SPHKAP: variants seen among roughly 807,000 people sequenced by gnomAD.
SPHKAP encodes SPHK1 interactor, AKAP domain containing.
SPHKAP carries 67 observed loss-of-function variants against 137.5 expected under a neutral mutation model. The observed-to-expected ratio is 0.49, with a 90% CI of 0.40 to 0.60. The LOEUF is 0.60. Among genes scored for constraint, SPHKAP ranks in the 20% least tolerant of loss-of-function variants. SPHKAP has a pLI of 0.00. For synonymous variants in SPHKAP, 813 were observed against 785.3 expected (o/e 1.04, Z -0.59); for missense variants, 2,097 against 2,069.3 (o/e 1.01, Z -0.26).
intron 1 of SPHKAP, among the ~76,000 whole-genome samples, chr2:228,161,930 C>A (rs754252725): frequency 2.6e-5 from 4 of 152,120 alleles, no homozygotes; most frequent in African/African-American, 7.2e-5. Context: ...CCTAGGCTTT[C>A]TATCTATTGC....
In SPHKAP at chr2:228,008,661, A is replaced by G. The variant is rs541981335; in HGVS notation, c.4448+7745T>C. On this transcript the variant is annotated intron_variant, in intron 7 of 11. Transcript: ENST00000392056. Reference sequence around the variant, plus strand: ...TGATCCATTCGTGTTATTTTTTCAAATGGTGTAATGTGTCTGGATTCATTT... The same window carrying G: ...TGATCCATTCGTGTTATTTTTTCAAGTGGTGTAATGTGTCTGGATTCATTT... Among the ~76,000 whole-genome samples, 8 of 145,434 alleles carry G rather than the reference A, an allele frequency of 5.5e-5. No homozygotes were observed. The South Asian group carries it at 1.8e-3, about 33-fold the overall frequency.
chr2:228,087,046 T>C (rs1559165935), intron 3 of SPHKAP, among the ~76,000 whole-genome samples: 1 of 151,984 alleles, frequency 6.6e-6, no homozygotes, highest in Non-Finnish European at 1.5e-5. Flanking sequence ...ACCTGGCAAA[T>C]AGTGAGGTCA....
intron 7 of SPHKAP, among the ~76,000 whole-genome samples, chr2:227,997,332 G>T (rs931161088): frequency 6.6e-6 from 1 of 152,154 alleles, no homozygotes; most frequent in Admixed American, 6.5e-5. Context: ...GGAGAAGTGT[G>T]TGCTTCGAGC....
intron 1 of SPHKAP, among the ~76,000 whole-genome samples, chr2:228,133,473 A>G (rs1699331692): frequency 6.6e-6 from 1 of 152,212 alleles, no homozygotes; most frequent in South Asian, 2.1e-4. Context: ...TGTTATATGC[A>G]TTTCTAAATA....
At chr2:228,010,809 A>AT (rs1694339622) in intron 7 of SPHKAP, among the ~76,000 whole-genome samples, 1 of 151,868 alleles carries the variant, frequency 6.6e-6, no homozygotes, top group African/African-American at 2.4e-5. Context: ...TGTATGTCTC[A>AT]TTTTTTCCAA....
At chr2:227,995,351 A>G (rs1003552391) in intron 8 of SPHKAP, among the ~76,000 whole-genome samples, 158 bp downstream of exon 8, 2 of 152,166 alleles carry the variant, frequency 1.3e-5, no homozygotes, top group Admixed American at 6.5e-5. Flanking sequence ...CTCAGCACAA[A>G]TCATGACAGG....
chr2:228,026,320 T>G (rs1461154970), intron 4 of SPHKAP, among the ~76,000 whole-genome samples: 5 of 152,186 alleles, frequency 3.3e-5, no homozygotes, highest in Admixed American at 3.3e-4. Context: ...ATAATTATAA[T>G]AAAATTGTGA....
chr2:227,992,062 G>C (rs1693432778), intron 9 of SPHKAP, among the ~76,000 whole-genome samples: 1 of 152,076 alleles, frequency 6.6e-6, no homozygotes. Context: ...GGGAGGACTT[G>C]GTAAATGTTT....
chr2:228,042,253 T>C (rs183593869), intron 3 of SPHKAP, among the ~76,000 whole-genome samples: 2 of 152,324 alleles, frequency 1.3e-5, no homozygotes, highest in Admixed American at 1.3e-4. Flanking sequence ...ACGGAGTTCT[T>C]ACACTTGTAT....
In SPHKAP at chr2:227,981,862, T is replaced by G; in HGVS notation, c.4960-2A>C. 1.2e-6 allele frequency: 2 copies of G among 1,612,072 alleles called. No individual in the cohort carries two copies. The highest frequency in any genetic ancestry group is 1.7e-6 in the Non-Finnish European group (2 of 1,179,034). ...AACCAGCTGCACGACATCTAGAAAC[T>G]AAAATAAAACGGAGAGTTAGGGCTC... On this transcript the variant is annotated splice_acceptor_variant, in intron 11 of 11. Transcript: ENST00000392056. LOFTEE classifies it high-confidence loss of function.
rs761421833 is a variant in SPHKAP, at chr2:228,160,686, A to C, written c.32+20881T>G. 9.2e-5 allele frequency among the ~76,000 whole-genome samples: 14 copies of C among 152,346 alleles called. No individual in the cohort carries two copies. In the South Asian group the frequency reaches 2.9e-3, roughly 32 times the overall value. On this transcript the variant is annotated intron_variant, in intron 1 of 11. Coordinates refer to ENST00000392056, the MANE Select transcript of SPHKAP (RefSeq NM_001142644.2). ...ATTTGGGTGGGGACACAGCTAAATC[A>C]TATCACCAATCAAAGATACTTGATG...
At position 228,018,784 on chromosome 2, in the gene SPHKAP, G is replaced by A. The variant is rs267599238; in HGVS notation, c.2070C>T (p.Ile690=). 5.6e-6 allele frequency: 9 copies of A among 1,614,072 alleles called. No homozygotes were observed. In the African/African-American group the frequency reaches 1.1e-4, roughly 19 times the overall value. ...IDEVHHKNMI[I]DPNDNRHSSE... is the part of the protein sequence containing the mutation. ...ATGAATGCCTGTTGTCATTGGGGTCGATTATCATATTTTTGTGGTGAACTT... is the reference window on the plus strand; with the variant it reads ...ATGAATGCCTGTTGTCATTGGGGTCAATTATCATATTTTTGTGGTGAACTT... Residue 690 remains isoleucine (I), a synonymous_variant, in exon 7 of 12, where the codon ATC becomes ATT. Transcript: ENST00000392056.
intron 1 of SPHKAP, among the ~76,000 whole-genome samples, chr2:228,157,233 C>A (rs1164087424): frequency 1.3e-5 from 2 of 152,084 alleles, no homozygotes; most frequent in Non-Finnish European, 1.5e-5. Context: ...GGTCAGGAAA[C>A]ATTAATAAAC....
rs77105920 is a variant in SPHKAP at position 228,075,896 on chromosome 2, G to A, written c.246+32936C>T. Among the ~76,000 whole-genome samples the A allele has an allele frequency of 3.9e-3, 591 of 152,246 alleles. 4 individuals are homozygous for A. Among genetic ancestry groups the A allele is most frequent in the African/African-American group, 0.014 (562 of 41,552 alleles). The stretch of plus-strand genomic sequence containing the variant: ...AACAAATCATACACTTAAGTAATGG[G>A]AATCAGAGATGACATGGGTTGGCTG... On this transcript the variant is annotated intron_variant, in intron 3 of 11. Coordinates refer to ENST00000392056, the MANE Select transcript of SPHKAP (RefSeq NM_001142644.2).
At chr2:228,122,503 G>A (rs571245983) in intron 2 of SPHKAP, among the ~76,000 whole-genome samples, 45 of 152,236 alleles carry the variant, frequency 3.0e-4, no homozygotes, top group African/African-American at 1.1e-3. Context: ...GACTGACTTC[G>A]GAATAAGAAG....
chr2:227,982,067 T>C (rs1410726201), intron 11 of SPHKAP: 1 of 950,938 alleles, frequency 1.1e-6, no homozygotes, highest in Non-Finnish European at 1.2e-6. Context: ...TTTTTTTTTT[T>C]TTCACAGCAG....
intron 2 of SPHKAP, among the ~76,000 whole-genome samples, chr2:228,113,556 G>A (rs145899396): frequency 1.4e-5 from 2 of 146,546 alleles, no homozygotes; most frequent in Non-Finnish European, 3.0e-5. Flanking sequence ...AAATTATATA[G>A]CTTCTCATTT....
chr2:228,046,873 C>T (rs993710915), intron 3 of SPHKAP, among the ~76,000 whole-genome samples: 1 of 152,134 alleles, frequency 6.6e-6, no homozygotes, highest in Non-Finnish European at 1.5e-5. Context: ...GCAAGGGCAG[C>T]TGAGCATTGA....
chr2:228,046,644 T>C lies in SPHKAP; in HGVS notation c.247-19101A>G, dbSNP rs573190580. ...TTTCATATTTCAATGTTTCTGACTTTATTCCCTGAAGCACTCATTAATCTG... is the reference window on the plus strand; with the variant it reads ...TTTCATATTTCAATGTTTCTGACTTCATTCCCTGAAGCACTCATTAATCTG... On this transcript the variant is annotated intron_variant, in intron 3 of 11. Coordinates refer to ENST00000392056, the MANE Select transcript of SPHKAP (RefSeq NM_001142644.2). 2.0e-5 allele frequency among the ~76,000 whole-genome samples: 3 copies of C among 152,326 alleles called. No individual in the cohort carries two copies. The East Asian group carries it at 5.8e-4, about 29-fold the overall frequency.
Sources: allele counts gnomAD v4.1 joint callset (sites outside exome capture counted in the v4.1 genomes callset), GRCh38; gene constraint gnomAD v4.1.1; transcripts MANE v1.5; gene names NCBI Gene and HGNC (gene_info 2026-07-23, HGNC 2026-07-21).